Variants in HACD3 observed in about 807,000 individuals in gnomAD.
HACD3 encodes 3-hydroxyacyl-CoA dehydratase 3, also known as very-long-chain (3R)-3-hydroxyacyl-CoA dehydratase 3.
In HACD3, 30 loss-of-function variants were observed where a neutral mutation model predicts 55.2. The ratio of observed to expected loss-of-function variants is 0.54; its 90% confidence interval spans 0.41 to 0.74. HACD3 has a LOEUF of 0.74. Among genes scored for constraint, HACD3 ranks in the 30% least tolerant of loss-of-function variants. The pLI, the probability that HACD3 is intolerant of heterozygous loss-of-function variation, is 0.00. For missense variants in HACD3, 363 were observed against 440.1 expected (o/e 0.82, Z 1.57); for synonymous variants, 141 against 151.7 (o/e 0.93, Z 0.52).
chr15:65,555,445 T>C (rs1214559132), intron 3 of HACD3, among the ~76,000 whole-genome samples: 1 of 152,186 alleles, frequency 6.6e-6, no homozygotes. Context: ...ATGCTGCAGA[T>C]ATCATCAAAA....
chr15:65,552,791 A>T (rs1013087096), intron 2 of HACD3, among the ~76,000 whole-genome samples: 1 of 151,574 alleles, frequency 6.6e-6, no homozygotes, highest in African/African-American at 2.4e-5. Flanking sequence ...CGCTGCACCC[A>T]CTAACTCGTC....
chr15:65,538,180 C>T (rs2456015), intron 1 of HACD3, among the ~76,000 whole-genome samples: 100,067 of 151,460 alleles, frequency 0.66, 35,734 homozygotes, highest in East Asian at 0.93. Flanking sequence ...AAATACTTTC[C>T]GTAAGGTTAA....
intron 1 of HACD3, among the ~76,000 whole-genome samples, chr15:65,544,319 A>T (rs2072052167): frequency 6.6e-6 from 1 of 152,246 alleles, no homozygotes; most frequent in South Asian, 2.1e-4. Flanking sequence ...TTACTGTGAC[A>T]GTTGGTAGAT....
At chr15:65,570,976 C>G (rs2072342407) in intron 8 of HACD3, among the ~76,000 whole-genome samples, 1 of 152,130 alleles carries the variant, frequency 6.6e-6, no homozygotes, top group Non-Finnish European at 1.5e-5. Flanking sequence ...TTTTTCAAAT[C>G]AGACACGTAA....
chr15:65,558,426 A>G (rs1353288718), intron 4 of HACD3, among the ~76,000 whole-genome samples: 2 of 152,210 alleles, frequency 1.3e-5, no homozygotes, highest in African/African-American at 2.4e-5. Flanking sequence ...TTCCAAGGTC[A>G]CTTGTCAGTT....
chr15:65,560,881 A>G (rs1327620622), intron 5 of HACD3, among the ~76,000 whole-genome samples: 1 of 151,820 alleles, frequency 6.6e-6, no homozygotes, highest in Non-Finnish European at 1.5e-5. Context: ...CTCCAGCCTA[A>G]TGTCGTTTTT....
rs1314259528 is a variant in HACD3, at chr15:65,554,898, G to A, written c.142G>A (p.Gly48Ser). Residue 48 changes from glycine to serine, a missense_variant, in exon 3 of 11, where the codon GGT (glycine) becomes AGT (serine). Gly to Ser is a moderately conservative substitution (Grantham distance 56). Transcript: ENST00000261875. ...NVLHFKAQGH[G>S]AKGDNVYEFH... is the part of the protein sequence containing the mutation. ...TTCTTTCTTTATAGCTCAAGGACAT[G>A]GTGCCAAAGGAGACAATGTCTATGA... The A allele has an allele frequency of 1.2e-6, 2 of 1,611,712 alleles. No individual in the cohort carries two copies. The highest frequency in any genetic ancestry group is 4.5e-5 in the East Asian group (2 of 44,858).
intron 5 of HACD3, among the ~76,000 whole-genome samples, chr15:65,560,751 T>A (rs1018376384): frequency 6.7e-6 from 1 of 149,348 alleles, no homozygotes; most frequent in Non-Finnish European, 1.5e-5. Flanking sequence ...TGCAGAGAGC[T>A]ATGGTCCCAC....
chr15:65,564,982 A>G (rs1394111861), intron 7 of HACD3: 1 of 152,220 alleles, frequency 6.6e-6, no homozygotes, highest in Non-Finnish European at 1.5e-5. Context: ...GCATTGGGTA[A>G]ATACAGCCGT....
chr15:65,535,185 T>C (rs917599307), intron 1 of HACD3, among the ~76,000 whole-genome samples: 2 of 152,160 alleles, frequency 1.3e-5, no homozygotes, highest in Non-Finnish European at 2.9e-5. Context: ...ATCTTTATAA[T>C]ATTGGAAAGG....
At chr15:65,534,542 A>G (rs1193300702) in intron 1 of HACD3, 1 of 152,210 alleles carries the variant, frequency 6.6e-6, no homozygotes, top group Non-Finnish European at 1.5e-5. Context: ...TAGTTGTTAA[A>G]GCATTGGTTT....
chr15:65,551,401 C>G (rs2072131446), intron 1 of HACD3, among the ~76,000 whole-genome samples: 1 of 152,156 alleles, frequency 6.6e-6, no homozygotes, highest in African/African-American at 2.4e-5. Flanking sequence ...CATGACTGGC[C>G]ATTTTCAGAA....
intron 5 of HACD3, among the ~76,000 whole-genome samples, chr15:65,561,349 T>A (rs1245451341): frequency 6.6e-6 from 1 of 151,870 alleles, no homozygotes; most frequent in African/African-American, 2.4e-5. Context: ...GCCTGTAATC[T>A]CAGCTACTCG....
intron 4 of HACD3, 67 bp downstream of exon 4, chr15:65,556,970 C>G (rs909207314): frequency 9.1e-5 from 129 of 1,414,784 alleles, no homozygotes; most frequent in Admixed American, 1.5e-4. Context: ...ATTCAGGCCA[C>G]TTCAGATACC....
In HACD3 at chr15:65,576,539, T is replaced by C. The variant is rs758908468; in HGVS notation, c.*160T>C. On this transcript the variant is annotated 3_prime_UTR_variant, in exon 11 of 11. Coordinates refer to ENST00000261875, the MANE Select transcript of HACD3 (RefSeq NM_016395.4). ...AGTAACATTCCTGAATTTACTGTTA[T>C]CTTATTGTAGTACTTGCATGACATG... is the stretch of plus-strand genomic sequence containing the variant. 1.6e-5 allele frequency: 12 copies of C among 762,452 alleles called. No homozygotes were observed. In the African/African-American group the frequency reaches 1.6e-4, roughly 10 times the overall value. The allele number at this position is 762,452 out of a possible 1,614,324, so 47.2% of individuals were successfully genotyped here.
intron 1 of HACD3, among the ~76,000 whole-genome samples, chr15:65,539,521 G>A (rs999852088): frequency 3.3e-5 from 5 of 151,938 alleles, no homozygotes; most frequent in Non-Finnish European, 5.9e-5. Context: ...GTGCCCAGCC[G>A]GACTTTTTTT....
At chr15:65,550,980 A>G (rs908997814) in intron 1 of HACD3, 3 of 152,178 alleles carry the variant, frequency 2.0e-5, no homozygotes, top group Admixed American at 2.0e-4. Context: ...CAGTCTGGAG[A>G]ATTTTGACCT....
rs1370548038 is a variant in HACD3, at chr15:65,570,275, GTTATC to G, written c.773+76_773+80del. The G allele has an allele frequency of 2.7e-6, 3 of 1,120,878 alleles. No homozygotes were observed. In the East Asian group the frequency reaches 7.3e-5, roughly 27 times the overall value. 69.4% of individuals were successfully genotyped at this position (1,120,878 alleles called of 1,614,324 possible). A position where few individuals can be genotyped will look rare whatever the true frequency, so the allele number is the denominator to read the frequency against. On this transcript the variant is annotated intron_variant, in intron 8 of 10. Coordinates refer to ENST00000261875, the MANE Select transcript of HACD3 (RefSeq NM_016395.4). ...CAGCAGCTCTGTTCTTGAGGGAGTT[GTTATC>G]TTAGCCAGAGTCTCATTTGGTTTGG...
chr15:65,552,244 C>T lies in HACD3; in HGVS notation c.130+526C>T, dbSNP rs1274651796. Among the ~76,000 whole-genome samples the T allele has an allele frequency of 2.0e-5, 3 of 152,162 alleles. No individual in the cohort carries two copies. The East Asian group carries it at 5.8e-4, about 29-fold the overall frequency. On this transcript the variant is annotated intron_variant, in intron 2 of 10. Transcript: ENST00000261875. The stretch of plus-strand genomic sequence containing the variant: ...ACACATACAGCTACTGATTGCATGG[C>T]AGTACTTGATTATGAAGTGGCCATC...
Sources: gnomAD v4.1 joint callset for allele counts (sites outside exome capture counted in the v4.1 genomes callset) on GRCh38, gnomAD v4.1.1 for gene constraint, MANE v1.5 for transcripts, NCBI Gene and HGNC (gene_info 2026-07-23, HGNC 2026-07-21) for gene names.